EPHB1: variants seen among roughly 807,000 people sequenced by gnomAD.
EPHB1 encodes ephrin type-B receptor 1.
EPHB1 carries 30 observed loss-of-function variants against 94.4 expected under a neutral mutation model. That is an observed-to-expected ratio of 0.32 (90% CI 0.24 to 0.43). EPHB1 has a LOEUF of 0.43. EPHB1 is among the 20% of genes least tolerant of loss of function. EPHB1 has a pLI of 1.00. For missense variants in EPHB1, 1,055 were observed against 1,308.3 expected (o/e 0.81, Z 2.99); for synonymous variants, 522 against 489.1 (o/e 1.07, Z -0.89).
intron 3 of EPHB1, among the ~76,000 whole-genome samples, chr3:134,953,703 T>C (rs900276512): frequency 2.6e-5 from 4 of 152,228 alleles, no homozygotes; most frequent in African/African-American, 9.6e-5. Flanking sequence ...TCTCATTATA[T>C]CCTGAGCAGA....
intron 1 of EPHB1, among the ~76,000 whole-genome samples, chr3:134,848,175 C>T (rs2036913137): frequency 1.3e-5 from 2 of 152,104 alleles, no homozygotes; most frequent in South Asian, 4.2e-4. Context: ...AACTGCAGGG[C>T]TGTTGAACAC....
intron 12 of EPHB1, among the ~76,000 whole-genome samples, chr3:135,229,013 T>C (rs971607136): frequency 6.6e-6 from 1 of 152,214 alleles, no homozygotes; most frequent in Non-Finnish European, 1.5e-5. Flanking sequence ...CAGTTCCCAG[T>C]GCCTGTTAAA....
intron 3 of EPHB1, among the ~76,000 whole-genome samples, chr3:135,082,550 G>A (rs1382940451): frequency 6.6e-6 from 1 of 152,180 alleles, no homozygotes; most frequent in African/African-American, 2.4e-5. Flanking sequence ...CATCCTGTAG[G>A]GACAGTGCTA....
chr3:135,015,589 T>G (rs1935773042), intron 3 of EPHB1, among the ~76,000 whole-genome samples: 1 of 152,192 alleles, frequency 6.6e-6, no homozygotes, highest in South Asian at 2.1e-4. Context: ...TCTGGGAGCC[T>G]CAGGATCCCT....
intron 1 of EPHB1, among the ~76,000 whole-genome samples, chr3:134,865,842 T>C (rs1273442059): frequency 6.6e-6 from 1 of 152,206 alleles, no homozygotes; most frequent in African/African-American, 2.4e-5. Context: ...CCATTTGAAA[T>C]TGCCATTTTT....
At chr3:135,154,041 G>C in intron 5 of EPHB1, 111 bp from the exon 6 acceptor site, 1 of 1,428,332 alleles carries the variant, frequency 7.0e-7, no homozygotes, top group South Asian at 1.3e-5. Flanking sequence ...GATAAAGAAG[G>C]AGCAGAGTTC....
At chr3:134,862,804 A>T (rs573260623) in intron 1 of EPHB1, among the ~76,000 whole-genome samples, 1 of 152,124 alleles carries the variant, frequency 6.6e-6, no homozygotes, top group Admixed American at 6.5e-5. Flanking sequence ...ACAGTTGATG[A>T]CCCTCCTGTT....
At chr3:134,986,203 G>A (rs1934589269) in intron 3 of EPHB1, among the ~76,000 whole-genome samples, 1 of 152,212 alleles carries the variant, frequency 6.6e-6, no homozygotes, top group South Asian at 2.1e-4. Context: ...ATTACAGAAT[G>A]TGAGTGCTGG....
intron 3 of EPHB1, among the ~76,000 whole-genome samples, chr3:135,040,714 A>T (rs1331952825): frequency 6.6e-6 from 1 of 152,228 alleles, no homozygotes; most frequent in Non-Finnish European, 1.5e-5. Context: ...TCAGGGAATC[A>T]TGTCATAGCC....
intron 3 of EPHB1, among the ~76,000 whole-genome samples, chr3:135,092,214 G>A (rs1312087982): frequency 6.6e-6 from 1 of 152,056 alleles, no homozygotes; most frequent in Admixed American, 6.5e-5. Flanking sequence ...GGGACAGTTG[G>A]GGATTCCCCT....
intron 3 of EPHB1, among the ~76,000 whole-genome samples, chr3:134,976,621 C>T (rs1359167321): frequency 6.6e-6 from 1 of 152,170 alleles, no homozygotes; most frequent in African/African-American, 2.4e-5. Context: ...CCATCTCCTC[C>T]TCTATGCATC....
intron 1 of EPHB1, among the ~76,000 whole-genome samples, chr3:134,875,816 G>A (rs550565118): frequency 6.6e-6 from 1 of 152,222 alleles, no homozygotes; most frequent in Admixed American, 6.5e-5. Context: ...AATAGGTCAG[G>A]GAAGTGGCCA....
intron 3 of EPHB1, among the ~76,000 whole-genome samples, chr3:135,080,267 C>T (rs1938117760): frequency 6.6e-6 from 1 of 152,088 alleles, no homozygotes; most frequent in African/African-American, 2.4e-5. Context: ...CAGAATGAGG[C>T]TTCACAGAGG....
At chr3:134,964,384 C>T (rs1227880186) in intron 3 of EPHB1, among the ~76,000 whole-genome samples, 2 of 152,130 alleles carry the variant, frequency 1.3e-5, no homozygotes, top group Admixed American at 1.3e-4. Context: ...TGGTCGCAAG[C>T]CCATACGTTA....
At chr3:134,973,044 G>C (rs893796179) in intron 3 of EPHB1, among the ~76,000 whole-genome samples, 3 of 152,202 alleles carry the variant, frequency 2.0e-5, no homozygotes, top group African/African-American at 7.2e-5. Flanking sequence ...GCCTGGATAG[G>C]TGTTCCAGCA....
chr3:134,807,979 C>T (rs887367715), intron 1 of EPHB1, among the ~76,000 whole-genome samples: 6 of 152,180 alleles, frequency 3.9e-5, no homozygotes, highest in Admixed American at 3.9e-4. Flanking sequence ...TAAACATCAT[C>T]TGCCAGCACC....
chr3:135,147,365 CAT>C (rs959263762), intron 5 of EPHB1, among the ~76,000 whole-genome samples: 21 of 152,332 alleles, frequency 1.4e-4, no homozygotes, highest in African/African-American at 4.8e-4. Context: ...GAAATGCAAA[CAT>C]ATGTCCACAC....
intron 1 of EPHB1, among the ~76,000 whole-genome samples, chr3:134,873,350 C>T (rs2037542973): frequency 6.6e-6 from 1 of 152,160 alleles, no homozygotes; most frequent in Non-Finnish European, 1.5e-5. Context: ...GAATTCACCC[C>T]ACCCATTCCC....
At chr3:134,842,358 G>T (rs925216935) in intron 1 of EPHB1, among the ~76,000 whole-genome samples, 3 of 152,066 alleles carry the variant, frequency 2.0e-5, no homozygotes, top group Admixed American at 6.5e-5. Flanking sequence ...AAGACAGTTG[G>T]GCTCCTAGGA....
Sources: gnomAD v4.1 joint callset for allele counts (sites outside exome capture counted in the v4.1 genomes callset) on GRCh38, gnomAD v4.1.1 for gene constraint, MANE v1.5 for transcripts, NCBI Gene and HGNC (gene_info 2026-07-23, HGNC 2026-07-21) for gene names.